Variants in TRIM36 observed in about 807,000 individuals in gnomAD.
TRIM36 encodes the protein tripartite motif containing 36, also known as E3 ubiquitin-protein ligase TRIM36.
Under a neutral mutation model 72.4 loss-of-function variants are expected in TRIM36, and 42 were observed. That is an observed-to-expected ratio of 0.58 (90% CI 0.45 to 0.75). The LOEUF (loss-of-function observed/expected upper bound fraction) is 0.75, where lower values mean the gene tolerates loss of function less well. TRIM36 is among the 30% of genes least tolerant of loss of function. The pLI is 0.00. For synonymous variants in TRIM36, 315 were observed against 282.8 expected (o/e 1.11, Z -1.14); for missense variants, 913 against 857.1 (o/e 1.07, Z -0.81).
chr5:115,169,570 G>T lies in TRIM36; in HGVS notation c.27+38C>A, dbSNP rs1046625024. ...GAGAAAGAGCCGCGGTCGGCACACC[G>T]CCCTCGAGGTGGGGGCGGCGGTCCC... On this transcript the variant is annotated intron_variant, in intron 1 of 9. Coordinates refer to ENST00000513154, the MANE Select transcript of TRIM36 (RefSeq NM_001300759.2). 3.1e-5 allele frequency: 47 copies of T among 1,498,870 alleles called. No individual in the cohort carries two copies. The African/African-American group carries it at 5.1e-4, about 16-fold the overall frequency. The allele number at this position is 1,498,870 out of a possible 1,614,324, so 92.8% of individuals were successfully genotyped here. A position where few individuals can be genotyped will look rare whatever the true frequency, so the allele number is the denominator to read the frequency against.
At chr5:115,170,307 C>T (rs551095969), upstream of TRIM36, among the ~76,000 whole-genome samples, 2 of 152,322 alleles carry the variant, frequency 1.3e-5, no homozygotes, top group African/African-American at 2.4e-5. Context: ...GCCCCTGGCC[C>T]CTGGCCCTGC....
chr5:115,145,195 G>T (rs1357392462), intron 3 of TRIM36, among the ~76,000 whole-genome samples: 1 of 152,108 alleles, frequency 6.6e-6, no homozygotes, highest in Non-Finnish European at 1.5e-5. Flanking sequence ...CTCAGTAACA[G>T]AAATCTGTTG....
intron 2 of TRIM36, among the ~76,000 whole-genome samples, chr5:115,161,263 A>G (rs950799934): frequency 1.3e-5 from 2 of 152,232 alleles, no homozygotes; most frequent in Non-Finnish European, 2.9e-5. Context: ...CATATCTGGT[A>G]ACCAGCAGGT....
chr5:115,142,553 C>A (rs572066722), intron 4 of TRIM36, among the ~76,000 whole-genome samples: 1 of 152,272 alleles, frequency 6.6e-6, no homozygotes, highest in Admixed American at 6.5e-5. Flanking sequence ...TGTAAAAGCA[C>A]CACACTCTCT....
upstream of TRIM36, chr5:115,171,045 C>T (rs1044084308): frequency 8.1e-6 from 13 of 1,610,794 alleles, no homozygotes; most frequent in Non-Finnish European, 1.0e-5. Flanking sequence ...GCTTTAAGAA[C>T]AGATGCCCTA....
intron 1 of TRIM36, among the ~76,000 whole-genome samples, chr5:115,167,288 C>CG (rs1460043352): frequency 6.6e-6 from 1 of 152,198 alleles, no homozygotes; most frequent in Non-Finnish European, 1.5e-5. Flanking sequence ...CCCTGCCAAA[C>CG]GGAGGGACTG....
chr5:115,126,440 A>G lies in TRIM36; in HGVS notation c.*63T>C. On this transcript the variant is annotated 3_prime_UTR_variant, in exon 10 of 10. Transcript: ENST00000513154. ...CTCAGCGATATGTAATTAGTTACGA[A>G]GGTTAACGCTAAGGCATTGCTTTGT... 5 of 1,317,546 alleles carry G rather than the reference A, an allele frequency of 3.8e-6. No homozygotes were observed. The highest frequency in any genetic ancestry group is 5.2e-6 in the Non-Finnish European group (5 of 957,374). 81.6% of individuals were successfully genotyped at this position (1,317,546 alleles called of 1,614,324 possible). A position where few individuals can be genotyped will look rare whatever the true frequency, so the allele number is the denominator to read the frequency against.
chr5:115,172,988 A>G (rs1179412674), upstream of TRIM36, among the ~76,000 whole-genome samples: 5 of 152,328 alleles, frequency 3.3e-5, no homozygotes, highest in East Asian at 1.9e-4. Flanking sequence ...AATCCTTTCT[A>G]TCCATAAACT....
intron 4 of TRIM36, 108 bp from the exon 5 acceptor site, chr5:115,141,482 T>C: frequency 5.3e-6 from 3 of 560,874 alleles, no homozygotes; most frequent in Non-Finnish European, 5.9e-6. Context: ...CAGCCTCTGA[T>C]AAACATAATA....
At chr5:115,157,579 T>G (rs763299162) in intron 2 of TRIM36, among the ~76,000 whole-genome samples, 3 of 151,566 alleles carry the variant, frequency 2.0e-5, no homozygotes, top group Non-Finnish European at 4.4e-5. Flanking sequence ...AAAAAAGTAC[T>G]AAAAGTGGAA....
intron 2 of TRIM36, among the ~76,000 whole-genome samples, chr5:115,155,580 T>C (rs912512491): frequency 6.6e-6 from 1 of 152,186 alleles, no homozygotes; most frequent in Non-Finnish European, 1.5e-5. Context: ...CTCATCTCAA[T>C]AGATGCTAAA....
At position 115,147,316 on chromosome 5, in the gene TRIM36, T is replaced by G. The variant is rs748901158; in HGVS notation, c.341A>C (p.Glu114Ala). The change falls in exon 3 of 10, where the codon GAA becomes GCA. Residue 114 changes from glutamate to alanine, a missense_variant. By Grantham distance (107) the Glu-to-Ala change is moderately radical (BLOSUM62 -1). Transcript: ENST00000513154. ...TCGAAACAGACCATTGATTCCTCGT[T>G]CTCCAAGATCCACATCATGCTCACA... ...PGCEHDVDLG[E>A]RGINGLFRNF... 1 of 1,614,172 alleles carries G rather than the reference T, an allele frequency of 6.2e-7. No individual in the cohort carries two copies. The highest frequency in any genetic ancestry group is 1.1e-5 in the South Asian group (1 of 91,080).
chr5:115,165,159 G>C (rs1754693028), intron 1 of TRIM36, among the ~76,000 whole-genome samples: 1 of 152,192 alleles, frequency 6.6e-6, no homozygotes, highest in Non-Finnish European at 1.5e-5. Context: ...GGCTGGCATT[G>C]AGTATCTGCA....
At chr5:115,136,294 T>TCA (rs201411920) in intron 7 of TRIM36, among the ~76,000 whole-genome samples, 1 of 3,530 alleles carries the variant, frequency 2.8e-4, no homozygotes, top group East Asian at 0.026. Flanking sequence ...ATTAGATCTC[T>TCA]CTCACACACA....
intron 9 of TRIM36, among the ~76,000 whole-genome samples, chr5:115,128,318 G>A (rs550251227): frequency 1.1e-4 from 17 of 149,314 alleles, no homozygotes; most frequent in South Asian, 4.2e-4. Flanking sequence ...GTGGTGAGCC[G>A]AGTTCATGCC....
chr5:115,175,808 C>T (rs6894360), intron 1 of TRIM36, among the ~76,000 whole-genome samples: 62,503 of 152,020 alleles, frequency 0.41, 14,800 homozygotes, highest in African/African-American at 0.66. Flanking sequence ...AATTTCAATA[C>T]ATATATTTAA....
intron 5 of TRIM36, among the ~76,000 whole-genome samples, chr5:115,138,054 T>C (rs1046118651): frequency 2.6e-5 from 4 of 152,230 alleles, no homozygotes; most frequent in African/African-American, 7.2e-5. Flanking sequence ...TCATTTCAAA[T>C]TCAGAAATGT....
chr5:115,133,352 G>T (rs1752792743), intron 8 of TRIM36, among the ~76,000 whole-genome samples: 1 of 152,066 alleles, frequency 6.6e-6, no homozygotes, highest in Non-Finnish European at 1.5e-5. Flanking sequence ...TTTTAGCGTG[G>T]GAGGAAAAGC....
upstream of TRIM36, among the ~76,000 whole-genome samples, chr5:115,170,298 C>A (rs551169297): frequency 3.1e-3 from 465 of 152,310 alleles, no homozygotes; most frequent in Non-Finnish European, 5.7e-3. Flanking sequence ...GCAGCCCTGG[C>A]CCCTGGCCCC....
Sources: allele counts gnomAD v4.1 joint callset (sites outside exome capture counted in the v4.1 genomes callset), GRCh38; gene constraint gnomAD v4.1.1; transcripts MANE v1.5; gene names NCBI Gene and HGNC (gene_info 2026-07-23, HGNC 2026-07-21).